The following LYPLAL1 variants were observed in gnomAD, a reference collection of about 807,000 sequenced individuals.
LYPLAL1 encodes the protein lysophospholipase like 1.
LYPLAL1 carries 23 observed loss-of-function variants against 19.7 expected under a neutral mutation model. The observed-to-expected ratio is 1.17, with a 90% CI of 0.84 to 1.65. The LOEUF (loss-of-function observed/expected upper bound fraction) is 1.65. Ranked by LOEUF, LYPLAL1 falls within the 40% of genes most tolerant of loss-of-function variation. LYPLAL1 has a pLI of 0.00. For synonymous variants in LYPLAL1, 119 were observed against 96.3 expected (o/e 1.24, Z -1.38); for missense variants, 355 against 279.4 (o/e 1.27, Z -1.93).
chr1:219,320,548 G>A, the LYPLAL1 span, among the ~76,000 whole-genome samples: 1 of 152,122 alleles, frequency 6.6e-6, no homozygotes, highest in East Asian at 1.9e-4. Context: ...CCATTAACTC[G>A]TTATTTACAT....
At chr1:219,177,213 G>T (rs1331026107) in intron 1 of LYPLAL1, among the ~76,000 whole-genome samples, 9 of 152,140 alleles carry the variant, frequency 5.9e-5, no homozygotes, top group African/African-American at 1.7e-4. Flanking sequence ...TCTGGAGTGA[G>T]AAGAATAGGA....
At chr1:219,338,939 G>T in the LYPLAL1 span, among the ~76,000 whole-genome samples, 1 of 151,950 alleles carries the variant, frequency 6.6e-6, no homozygotes, top group South Asian at 2.1e-4. Flanking sequence ...TCTGTAAGTT[G>T]ATTAGACCAA....
chr1:219,399,751 G>A, the LYPLAL1 span, among the ~76,000 whole-genome samples: 1 of 152,138 alleles, frequency 6.6e-6, no homozygotes, highest in Non-Finnish European at 1.5e-5. Flanking sequence ...CCAGGACTAA[G>A]GGGTGCTCAG....
At chr1:219,243,074 G>T in the LYPLAL1 span, among the ~76,000 whole-genome samples, 2 of 152,118 alleles carry the variant, frequency 1.3e-5, no homozygotes, top group East Asian at 1.9e-4. Flanking sequence ...ATGTAGTTTG[G>T]CCACAGGTTT....
At chr1:219,352,614 A>C in the LYPLAL1 span, among the ~76,000 whole-genome samples, 1 of 152,264 alleles carries the variant, frequency 6.6e-6, no homozygotes, top group African/African-American at 2.4e-5. Context: ...GTAGGCGTTC[A>C]GTAAAGGTTA....
the LYPLAL1 span, among the ~76,000 whole-genome samples, chr1:219,371,676 G>A: frequency 6.6e-6 from 1 of 152,176 alleles, no homozygotes; most frequent in South Asian, 2.1e-4. Context: ...GTGGCCAACT[G>A]CTCAAACTAG....
At chr1:219,420,903 AG>A in the LYPLAL1 span, among the ~76,000 whole-genome samples, 1 of 152,224 alleles carries the variant, frequency 6.6e-6, no homozygotes, top group African/African-American at 2.4e-5. Flanking sequence ...CTTTCAAAAC[AG>A]TAATTTAAGT....
the LYPLAL1 span, among the ~76,000 whole-genome samples, chr1:219,421,339 T>C: frequency 5.1e-4 from 78 of 152,310 alleles, no homozygotes; most frequent in Admixed American, 1.9e-3. Flanking sequence ...GACTTCACTA[T>C]AGGAAAACCA....
At chr1:219,405,639 G>T in the LYPLAL1 span, among the ~76,000 whole-genome samples, 1 of 152,170 alleles carries the variant, frequency 6.6e-6, no homozygotes, top group Non-Finnish European at 1.5e-5. Context: ...CCATGTTTTA[G>T]ATATTACCCA....
chr1:219,281,302 TAAAG>T, the LYPLAL1 span, among the ~76,000 whole-genome samples: 20,459 of 151,366 alleles, frequency 0.14, 1,436 homozygotes, highest in East Asian at 0.24. Flanking sequence ...AAAATAAAAA[TAAAG>T]AGAGAAAGGT....
the LYPLAL1 span, among the ~76,000 whole-genome samples, chr1:219,316,506 A>T: frequency 5.3e-5 from 8 of 152,092 alleles, no homozygotes; most frequent in East Asian, 1.5e-3. Context: ...AAAGTTTGAG[A>T]AGGATTTATA....
chr1:219,177,588 C>G (rs1396092347), intron 1 of LYPLAL1, among the ~76,000 whole-genome samples: 1 of 152,150 alleles, frequency 6.6e-6, no homozygotes, highest in Non-Finnish European at 1.5e-5. Context: ...CCCAGTTACT[C>G]CGGCCAAAAG....
the LYPLAL1 span, among the ~76,000 whole-genome samples, chr1:219,244,857 G>T: frequency 1.5e-5 from 2 of 134,588 alleles, no homozygotes; most frequent in African/African-American, 5.5e-5. Context: ...TGAGGCAGGA[G>T]AATCGCTTGA....
the LYPLAL1 span, among the ~76,000 whole-genome samples, chr1:219,235,172 G>A: frequency 2.0e-5 from 3 of 152,218 alleles, no homozygotes; most frequent in African/African-American, 7.2e-5. Context: ...CACATGCTTT[G>A]AGATGGCTGA....
chr1:219,374,325 A>T, the LYPLAL1 span, among the ~76,000 whole-genome samples: 1 of 152,124 alleles, frequency 6.6e-6, no homozygotes, highest in Non-Finnish European at 1.5e-5. Flanking sequence ...GACCATATTT[A>T]TATCAGCCGT....
chr1:219,207,216 T>C (rs906924777), intron 3 of LYPLAL1, among the ~76,000 whole-genome samples: 3 of 152,084 alleles, frequency 2.0e-5, no homozygotes, highest in African/African-American at 7.2e-5. Flanking sequence ...GGATTTTCTT[T>C]AAATGGTGAC....
At chr1:219,358,118 A>G in the LYPLAL1 span, among the ~76,000 whole-genome samples, 1 of 152,214 alleles carries the variant, frequency 6.6e-6, no homozygotes, top group Non-Finnish European at 1.5e-5. Flanking sequence ...ATGAAACTTC[A>G]TGACACCAAG....
At chr1:219,192,097 T>C (rs1236927054) in intron 2 of LYPLAL1, among the ~76,000 whole-genome samples, 1 of 151,616 alleles carries the variant, frequency 6.6e-6, no homozygotes, top group Non-Finnish European at 1.5e-5. Flanking sequence ...CACCACCCAC[T>C]GGTCCTAAAG....
chr1:219,268,955 A>G, the LYPLAL1 span, among the ~76,000 whole-genome samples: 1 of 152,236 alleles, frequency 6.6e-6, no homozygotes, highest in Non-Finnish European at 1.5e-5. Context: ...GTAATTGTTT[A>G]TTCTCAATCT....
Sources: gnomAD v4.1 joint callset for allele counts (sites outside exome capture counted in the v4.1 genomes callset) on GRCh38, gnomAD v4.1.1 for gene constraint, MANE v1.5 for transcripts, NCBI Gene and HGNC (gene_info 2026-07-23, HGNC 2026-07-21) for gene names.